Variants in CXCR5 observed in about 807,000 individuals in gnomAD.
The protein encoded by CXCR5 is C-X-C chemokine receptor type 5.
A neutral mutation model predicts 5.6 loss-of-function variants in CXCR5; 3 were observed. The observed-to-expected ratio is 0.54, with a 90% CI of 0.24 to 1.39. The LOEUF (loss-of-function observed/expected upper bound fraction) is 1.39, where lower values mean the gene tolerates loss of function less well. CXCR5 is among the 40% of genes most tolerant of loss of function. The pLI, the probability that CXCR5 is intolerant of heterozygous loss-of-function variation, is 0.16. For missense variants in CXCR5, 333 were observed against 494.6 expected, an observed-to-expected ratio of 0.67 and a Z score of 3.10; for synonymous variants, 218 against 219.9, an observed-to-expected ratio of 0.99 and a Z score of 0.08.
chr11:118,889,161 G>C (rs1448516291), intron 1 of CXCR5, among the ~76,000 whole-genome samples: 1 of 152,156 alleles, frequency 6.6e-6, no homozygotes, highest in Non-Finnish European at 1.5e-5. Context: ...CTCCTCCCCA[G>C]TGCTCACAGC....
intron 1 of CXCR5, among the ~76,000 whole-genome samples, chr11:118,892,672 G>C (rs1464547243): frequency 2.0e-5 from 3 of 151,576 alleles, no homozygotes; most frequent in Non-Finnish European, 4.4e-5. Context: ...GGTGATGGGG[G>C]GGGGGTGATG....
chr11:118,890,535 G>A (rs1268864118), intron 1 of CXCR5, among the ~76,000 whole-genome samples: 1 of 152,036 alleles, frequency 6.6e-6, no homozygotes, highest in Non-Finnish European at 1.5e-5. Flanking sequence ...AGAAAGACCT[G>A]CTAGACAGAA....
rs1939904402 is a variant in CXCR5, at chr11:118,895,898, C to A, written c.*1235C>A. The A allele has an allele frequency of 6.0e-6, 1 of 167,076 alleles. No individual in the cohort carries two copies. Among genetic ancestry groups the A allele is most frequent in the Non-Finnish European group, 1.5e-5 (1 of 68,140 alleles). 10.3% of individuals were successfully genotyped at this position (167,076 alleles called of 1,614,324 possible). A position where few individuals can be genotyped will look rare whatever the true frequency, so the allele number is the denominator to read the frequency against. On this transcript the variant is annotated 3_prime_UTR_variant, in exon 2 of 2. Coordinates refer to ENST00000292174, the MANE Select transcript of CXCR5 (RefSeq NM_001716.5). The surrounding 1 kb of genome is among the most constrained non-coding windows in gnomAD (Gnocchi z 4.2). ...CGGCAGTTCTGGGTGCTCCCTACCA[C>A]CTCCCCAGCCTTTGATCAGGTGGGG... is the stretch of plus-strand genomic sequence containing the variant.
In CXCR5 at chr11:118,895,582, TG is replaced by T; in HGVS notation, c.*923del. 6.0e-6 allele frequency: 1 copy of T among 167,214 alleles called. No homozygotes were observed. Among genetic ancestry groups the T allele is most frequent in the South Asian group, 2.1e-4 (1 of 4,824 alleles). The allele number at this position is 167,214 out of a possible 1,614,324, so 10.4% of individuals were successfully genotyped here. Reference sequence around the variant, plus strand: ...GGGGATGGGAGGTTGTGGGCATTGATGGGGAAGGAGGCTGGCTTGTCCCCTC... The same window carrying T: ...GGGGATGGGAGGTTGTGGGCATTGATGGGAAGGAGGCTGGCTTGTCCCCTC... On this transcript the variant is annotated 3_prime_UTR_variant, in exon 2 of 2. Coordinates refer to ENST00000292174, the MANE Select transcript of CXCR5 (RefSeq NM_001716.5). The surrounding 1 kb of genome is among the most constrained non-coding windows in gnomAD (Gnocchi z 4.2).
intron 1 of CXCR5, among the ~76,000 whole-genome samples, chr11:118,887,938 G>A (rs1425891737): frequency 1.3e-5 from 2 of 152,252 alleles, no homozygotes; most frequent in African/African-American, 4.8e-5. Flanking sequence ...TTCGGCCTGA[G>A]TAAGCCACGC....
Position 118,894,575 on chromosome 11 carries a change from G to T in CXCR5, c.1031G>T (p.Gly344Val). The change falls in exon 2 of 2, where the codon GGC becomes GTC. Residue 344 changes from glycine (G) to valine (V), a missense_variant. Physicochemically the swap from Gly to Val is moderately radical, Grantham distance 109. Transcript: ENST00000292174. The surrounding 1 kb of genome is among the most constrained non-coding windows in gnomAD (Gnocchi z 6.1). The part of the protein sequence containing the change: ...SRLLTKLGCT[G>V]PASLCQLFPS... ...CTCCTGACGAAGCTGGGCTGTACCG[G>T]CCCTGCCTCCCTGTGCCAGCTCTTC... 1.9e-6 allele frequency: 3 copies of T among 1,540,152 alleles called. No individual in the cohort carries two copies. Among genetic ancestry groups the T allele is most frequent in the Non-Finnish European group, 2.6e-6 (3 of 1,142,354 alleles).
chr11:118,893,532 G>C lies in CXCR5; in HGVS notation c.52-64G>C. 6.6e-7 allele frequency: 1 copy of C among 1,509,438 alleles called. No homozygotes were observed. The highest frequency in any genetic ancestry group is 8.9e-7 in the Non-Finnish European group (1 of 1,128,016). 93.5% of individuals were successfully genotyped at this position (1,509,438 alleles called of 1,614,324 possible). A position where few individuals can be genotyped will look rare whatever the true frequency, so the allele number is the denominator to read the frequency against. On this transcript the variant is annotated intron_variant, in intron 1 of 1. Transcript: ENST00000292174. This position sits in a 1 kb window ranked among gnomAD's most constrained non-coding sequence, Gnocchi z 5.7. The stretch of plus-strand genomic sequence containing the variant: ...GGAAAAAACCTCCAAGAGAGCTAGG[G>C]TTCCTCTCAGAGAGGAAAGACAGGT...
intron 1 of CXCR5, among the ~76,000 whole-genome samples, chr11:118,885,652 C>T (rs752648149): frequency 1.3e-4 from 20 of 152,214 alleles, no homozygotes; most frequent in Non-Finnish European, 2.2e-4. Context: ...GGAGACCCGG[C>T]GGGTCCCAGC....
At position 118,894,171 on chromosome 11, in the gene CXCR5, A is replaced by C. The variant is rs768071139; in HGVS notation, c.627A>C (p.Gln209His). 1.2e-6 allele frequency: 2 copies of C among 1,613,922 alleles called. No individual in the cohort carries two copies. Among genetic ancestry groups the C allele is most frequent in the East Asian group, 4.5e-5 (2 of 44,864 alleles). ...LPRCTFSQEN[Q>H]AETHAWFTSR... ...GTTGCACCTTCTCCCAAGAGAACCA[A>C]GCAGAAACGCATGCCTGGTTCACCT... Residue 209 changes from glutamine to histidine, a missense_variant, in exon 2 of 2, where the codon CAA (glutamine) becomes CAC (histidine). By Grantham distance (24) the Gln-to-His change is conservative. Coordinates refer to ENST00000292174, the MANE Select transcript of CXCR5 (RefSeq NM_001716.5). This position sits in a 1 kb window ranked among gnomAD's most constrained non-coding sequence, Gnocchi z 6.1.
At chr11:118,886,769 CT>C (rs1286963433) in intron 1 of CXCR5, 1 of 200,522 alleles carries the variant, frequency 5.0e-6, no homozygotes, top group Non-Finnish European at 1.0e-5. Flanking sequence ...GGAGGGGAAG[CT>C]GCTATAGCGC....
At chr11:118,884,747 G>A (rs960263319) in intron 1 of CXCR5, among the ~76,000 whole-genome samples, 2 of 152,166 alleles carry the variant, frequency 1.3e-5, no homozygotes, top group African/African-American at 2.4e-5. Context: ...CCAGCACTAC[G>A]CTGCCACCAC....
intron 1 of CXCR5, among the ~76,000 whole-genome samples, chr11:118,891,635 G>A (rs952289293): frequency 1.3e-5 from 2 of 152,030 alleles, no homozygotes; most frequent in African/African-American, 2.4e-5. Flanking sequence ...TTGGGAGGCC[G>A]AGGCGGGGGG....
rs1297222906 is a variant in CXCR5 at position 118,896,390 on chromosome 11, AG to A, written c.*1728del. The A allele has an allele frequency of 6.6e-6, 1 of 152,268 alleles. No individual in the cohort carries two copies. Among genetic ancestry groups the A allele is most frequent in the African/African-American group, 2.4e-5 (1 of 41,410 alleles). The allele number at this position is 152,268 out of a possible 1,614,324, so 9.4% of individuals were successfully genotyped here. ...GCGTGGGTGGGAGGAGAGGGGACGG[AG>A]AGGGCACTCGGCCCGCTGCAATCTG... On this transcript the variant is annotated 3_prime_UTR_variant, in exon 2 of 2. Transcript: ENST00000292174.
rs373785028 is a variant in CXCR5, at chr11:118,883,959, G to A, written c.18G>A (p.Thr6=). The part of the protein sequence containing the change: MNYPL[T]LEMDLENLED... ...GCACAGCCATGAACTACCCGCTAAC[G>A]CTGGAAATGGACCTCGAGAACCTGG... The change falls in exon 1 of 2, where the codon ACG becomes ACA. Residue 6 remains threonine (T), a synonymous_variant. Coordinates refer to ENST00000292174, the MANE Select transcript of CXCR5 (RefSeq NM_001716.5). 15 of 1,612,674 alleles carry A rather than the reference G, an allele frequency of 9.3e-6. No individual in the cohort carries two copies. The highest frequency in any genetic ancestry group is 7.7e-5 in the South Asian group (7 of 90,748).
rs1173651975 is a variant in CXCR5 at position 118,887,390 on chromosome 11, CTG to C, written c.51+3400_51+3401del. 7.1e-6 allele frequency: 7 copies of C among 985,404 alleles called. No individual in the cohort carries two copies. In the African/African-American group the frequency reaches 1.0e-4, roughly 15 times the overall value. The allele number at this position is 985,404 out of a possible 1,614,324, so 61.0% of individuals were successfully genotyped here. On this transcript the variant is annotated intron_variant, in intron 1 of 1. Transcript: ENST00000292174. ...TGCCTGCATCTTGGACTGTGTGACT[CTG>C]TATCCAAAGGGCAAAGAGACGCTGG...
Position 118,895,361 on chromosome 11 carries a change from A to T in CXCR5, c.*698A>T, listed in dbSNP as rs1327058016. 1.2e-5 allele frequency: 2 copies of T among 166,946 alleles called. No homozygotes were observed. The highest frequency in any genetic ancestry group is 1.3e-4 in the Admixed American group (2 of 15,278). 10.3% of individuals were successfully genotyped at this position (166,946 alleles called of 1,614,324 possible). ...CCTGGGTGGTCTGCAGGCAGGGCTG[A>T]CTCTAGGTGCCCTTGGAGGCCAGCC... On this transcript the variant is annotated 3_prime_UTR_variant, in exon 2 of 2. Coordinates refer to ENST00000292174, the MANE Select transcript of CXCR5 (RefSeq NM_001716.5). The surrounding 1 kb of genome is among the most constrained non-coding windows in gnomAD (Gnocchi z 4.2).
chr11:118,892,387 G>A (rs1042723032), intron 1 of CXCR5, among the ~76,000 whole-genome samples: 1 of 152,144 alleles, frequency 6.6e-6, no homozygotes, highest in South Asian at 2.1e-4. Context: ...TGAAATGGGG[G>A]CACCATTAAG....
Position 118,894,263 on chromosome 11 carries a change from G to A in CXCR5, c.719G>A (p.Gly240Glu), listed in dbSNP as rs773979825. 6.2e-7 allele frequency: 1 copy of A among 1,613,994 alleles called. No homozygotes were observed. Among genetic ancestry groups the A allele is most frequent in the Non-Finnish European group, 8.5e-7 (1 of 1,180,054 alleles). The part of the protein sequence containing the change: ...PMLVMGWCYV[G>E]VVHRLRQAQR... The stretch of plus-strand genomic sequence containing the variant: ...CTGGTGATGGGCTGGTGCTACGTGG[G>A]GGTAGTGCACAGGTTGCGCCAGGCC... Residue 240 changes from glycine (G) to glutamate (E), a missense_variant, in exon 2 of 2, where the codon GGG (glycine) becomes GAG (glutamate). Coordinates refer to ENST00000292174, the MANE Select transcript of CXCR5 (RefSeq NM_001716.5). This position sits in a 1 kb window ranked among gnomAD's most constrained non-coding sequence, Gnocchi z 6.1.
Position 118,889,090 on chromosome 11 carries a change from T to A in CXCR5, c.52-4506T>A, listed in dbSNP as rs55636450. On this transcript the variant is annotated intron_variant, in intron 1 of 1. Transcript: ENST00000292174. ...CCTACCACAGGCCAAGCACTTTGCA[T>A]CTCCTTACACCCCCCACCTCCCGCT... Among the ~76,000 whole-genome samples the A allele has an allele frequency of 9.2e-3, 1,405 of 152,190 alleles. 7 individuals are homozygous for A. Among genetic ancestry groups the A allele is most frequent in the Middle Eastern group, 0.051 (15 of 294 alleles).
Sources: allele counts gnomAD v4.1 joint callset (sites outside exome capture counted in the v4.1 genomes callset), GRCh38; gene constraint gnomAD v4.1.1; non-coding constraint Gnocchi (gnomAD v3.1); transcripts MANE v1.5; gene names NCBI Gene and HGNC (gene_info 2026-07-23, HGNC 2026-07-21).